The following RIMS2 variants were observed in gnomAD, a reference collection of about 807,000 sequenced individuals.
The protein encoded by RIMS2 is regulating synaptic membrane exocytosis 2.
A neutral mutation model predicts 174.4 loss-of-function variants in RIMS2; 59 were observed. That is an observed-to-expected ratio of 0.34 (90% CI 0.27 to 0.42). The LOEUF (loss-of-function observed/expected upper bound fraction) is 0.42, where lower values mean the gene tolerates loss of function less well. Among genes scored for constraint, RIMS2 ranks in the 10% least tolerant of loss-of-function variants. The pLI, the probability that RIMS2 is intolerant of heterozygous loss-of-function variation, is 1.00. For synonymous variants in RIMS2, 606 were observed against 572.5 expected (o/e 1.06, Z -0.84); for missense variants, 1,620 against 1,666.3 (o/e 0.97, Z 0.48).
chr8:103,614,681 A>G (rs1469526740), intron 1 of RIMS2, among the ~76,000 whole-genome samples: 1 of 152,196 alleles, frequency 6.6e-6, no homozygotes. Context: ...TTTCTACTCA[A>G]GTTTCCAAAA....
At chr8:103,685,539 T>C (rs1590298745) in intron 1 of RIMS2, among the ~76,000 whole-genome samples, 1 of 152,272 alleles carries the variant, frequency 6.6e-6, no homozygotes, top group Non-Finnish European at 1.5e-5. Flanking sequence ...AACATCCAAA[T>C]GATATCACTA....
chr8:103,634,050 C>A (rs2135322317), intron 1 of RIMS2, among the ~76,000 whole-genome samples: 1 of 152,218 alleles, frequency 6.6e-6, no homozygotes, highest in Middle Eastern at 3.4e-3. Flanking sequence ...TATTTCTCAT[C>A]TTCTGCTAGC....
chr8:103,701,966 A>T (rs1326265481), intron 2 of RIMS2, among the ~76,000 whole-genome samples: 1 of 152,012 alleles, frequency 6.6e-6, no homozygotes, highest in Non-Finnish European at 1.5e-5. Flanking sequence ...GAATTGTTGG[A>T]TCATATGGTG....
intron 19 of RIMS2, among the ~76,000 whole-genome samples, chr8:104,225,781 G>A (rs569764426): frequency 1.3e-5 from 2 of 152,186 alleles, no homozygotes; most frequent in East Asian, 1.9e-4. Flanking sequence ...TATGGGAAAC[G>A]GCGTTTTTAA....
At chr8:103,585,966 G>A (rs1352302820) in intron 1 of RIMS2, among the ~76,000 whole-genome samples, 4 of 144,834 alleles carry the variant, frequency 2.8e-5, no homozygotes, top group Non-Finnish European at 6.0e-5. Flanking sequence ...AAGCAAAATC[G>A]ATCTCAAGAC....
intron 15 of RIMS2, among the ~76,000 whole-genome samples, chr8:103,964,140 T>C (rs2091079294): frequency 6.6e-6 from 1 of 152,220 alleles, no homozygotes; most frequent in Non-Finnish European, 1.5e-5. Flanking sequence ...AACATCTGTG[T>C]GCAGGTTTTT....
At chr8:103,780,305 T>A (rs976499508) in intron 3 of RIMS2, among the ~76,000 whole-genome samples, 2 of 152,188 alleles carry the variant, frequency 1.3e-5, no homozygotes, top group Non-Finnish European at 2.9e-5. Flanking sequence ...TTTGGAAAAA[T>A]TTCAACATTA....
At chr8:103,957,324 A>C (rs922335437) in intron 14 of RIMS2, among the ~76,000 whole-genome samples, 1 of 152,230 alleles carries the variant, frequency 6.6e-6, no homozygotes, top group African/African-American at 2.4e-5. Flanking sequence ...AGCACTGTTC[A>C]CAATAGCAAA....
At chr8:103,652,173 G>T in intron 1 of RIMS2, 32 bp from the exon 2 acceptor site, 1 of 1,275,628 alleles carries the variant, frequency 7.8e-7, no homozygotes, top group Non-Finnish European at 1.0e-6. Context: ...TCATAGTACA[G>T]TGCACTCAGT....
At chr8:103,519,019 G>A (rs1172930099) in intron 1 of RIMS2, among the ~76,000 whole-genome samples, 2 of 151,970 alleles carry the variant, frequency 1.3e-5, no homozygotes, top group Non-Finnish European at 2.9e-5. Flanking sequence ...GTCCTTCACA[G>A]CCCCTCTCCA....
At chr8:104,134,288 G>T (rs529243105) in intron 19 of RIMS2, among the ~76,000 whole-genome samples, 205 of 152,118 alleles carry the variant, frequency 1.3e-3, no homozygotes, top group African/African-American at 4.8e-3. Context: ...AGCATGGTGA[G>T]ATCTCATCTC....
At chr8:103,575,525 C>G (rs550892355) in intron 1 of RIMS2, among the ~76,000 whole-genome samples, 25 of 151,952 alleles carry the variant, frequency 1.6e-4, no homozygotes, top group African/African-American at 6.0e-4. Flanking sequence ...ATATTAGTTT[C>G]CCATTGCTGC....
intron 1 of RIMS2, among the ~76,000 whole-genome samples, chr8:103,587,725 A>G (rs1281088802): frequency 2.0e-5 from 3 of 152,110 alleles, no homozygotes; most frequent in Non-Finnish European, 2.9e-5. Context: ...ATAATGAAAA[A>G]TCCTCAAAAA....
At chr8:103,516,537 T>C (rs1361221625) in intron 1 of RIMS2, among the ~76,000 whole-genome samples, 1 of 151,488 alleles carries the variant, frequency 6.6e-6, no homozygotes, top group African/African-American at 2.4e-5. Context: ...AAGAAAGAAA[T>C]AAAGAGGGCC....
intron 1 of RIMS2, among the ~76,000 whole-genome samples, chr8:103,579,720 T>A (rs1478863889): frequency 6.6e-6 from 1 of 152,202 alleles, no homozygotes; most frequent in Admixed American, 6.5e-5. Context: ...AAGCGTTGCT[T>A]AACCACTGTA....
chr8:104,247,770 A>G (rs2099344460), intron 20 of RIMS2, among the ~76,000 whole-genome samples: 2 of 152,174 alleles, frequency 1.3e-5, no homozygotes, highest in African/African-American at 4.8e-5. Context: ...TTACATATCC[A>G]AGCAGATATG....
intron 1 of RIMS2, among the ~76,000 whole-genome samples, chr8:103,682,100 G>T (rs899824500): frequency 1.2e-4 from 18 of 152,040 alleles, no homozygotes; most frequent in African/African-American, 3.4e-4. Context: ...TCTGGTTTGC[G>T]TAGGAAAACT....
chr8:103,802,759 A>T (rs752962203), intron 3 of RIMS2, among the ~76,000 whole-genome samples: 2 of 152,180 alleles, frequency 1.3e-5, no homozygotes, highest in Non-Finnish European at 2.9e-5. Flanking sequence ...GAAGAGTGAG[A>T]CTAAGGAGCT....
chr8:103,619,331 G>T (rs1319256106), intron 1 of RIMS2, among the ~76,000 whole-genome samples: 1 of 151,934 alleles, frequency 6.6e-6, no homozygotes, highest in African/African-American at 2.4e-5. Flanking sequence ...TATCAACATT[G>T]TGGTTGAGGG....
Sources: gnomAD v4.1 joint callset for allele counts (sites outside exome capture counted in the v4.1 genomes callset) on GRCh38, gnomAD v4.1.1 for gene constraint, MANE v1.5 for transcripts, NCBI Gene and HGNC (gene_info 2026-07-23, HGNC 2026-07-21) for gene names.